GOLGA6L2: variants seen among roughly 807,000 people sequenced by gnomAD.
GOLGA6L2 encodes the protein golgin subfamily A member 6-like protein 2.
A neutral mutation model predicts 35.9 loss-of-function variants in GOLGA6L2; 30 were observed. The observed-to-expected ratio is 0.83, with a 90% confidence interval of 0.62 to 1.13. The LOEUF is 1.13. Ranked by LOEUF, GOLGA6L2 falls within the 50% of genes most tolerant of loss-of-function variation. GOLGA6L2 has a pLI of 0.00. For synonymous variants in GOLGA6L2, 297 were observed against 344.0 expected, an observed-to-expected ratio of 0.86 and a Z score of 1.51; for missense variants, 821 against 973.4, an observed-to-expected ratio of 0.84 and a Z score of 2.08.
rs2141080665 is a variant in GOLGA6L2 at position 23,441,645 on chromosome 15, T to C, written c.830A>G (p.Gln277Arg). Residue 277 changes from glutamine to arginine, a missense_variant, in exon 8 of 8, where the codon CAG becomes CGG. By Grantham distance (43) the Gln-to-Arg change is conservative. Around this residue, in one of 7 missense-constraint regions of GOLGA6L2, gnomAD observed 614 missense variants for 632.3 expected, o/e 0.97. Coordinates refer to ENST00000567107, the MANE Select transcript of GOLGA6L2 (RefSeq NM_001304388.2). ...TNTLQEEMWR[Q>R]EEELREQEKK... ...TTCCTGCTCCCGTAGCTCCTCCTCC[T>C]GCCTCCACATCTCCTCCTGCAAAGT... 6.5e-7 allele frequency: 1 copy of C among 1,540,136 alleles called. No homozygotes were observed. The highest frequency in any genetic ancestry group is 1.4e-5 in the African/African-American group (1 of 72,808).
chr15:23,439,842 TCTC>T lies in GOLGA6L2; in HGVS notation c.2630_2632del (p.Gly877del), dbSNP rs2070628291. 1.4e-6 allele frequency: 2 copies of T among 1,440,396 alleles called. No individual in the cohort carries two copies. The highest frequency in any genetic ancestry group is 2.4e-5 in the Admixed American group (1 of 41,288). 89.2% of individuals were successfully genotyped at this position (1,440,396 alleles called of 1,614,324 possible). A position where few individuals can be genotyped will look rare whatever the true frequency, so the allele number is the denominator to read the frequency against. Reference sequence around the variant, plus strand: ...ATCTTCTCTTTCTGATCTCGTATCCTCTCCTCCTTCTCTCGCATCTCCTCCTGC... The same window carrying T: ...ATCTTCTCTTTCTGATCTCGTATCCTCTCCTTCTCTCGCATCTCCTCCTGC... On this transcript the variant is annotated inframe_deletion, in exon 8 of 8. Transcript: ENST00000567107.
chr15:23,445,759 C>T (rs1292356496), intron 1 of GOLGA6L2, among the ~76,000 whole-genome samples: 3 of 152,186 alleles, frequency 2.0e-5, no homozygotes, highest in South Asian at 2.1e-4. Flanking sequence ...TAGAGTCGTA[C>T]ATCCTCACAC....
chr15:23,444,141 A>G, intron 4 of GOLGA6L2, 21 bp downstream of exon 4: 6 of 1,602,800 alleles, frequency 3.7e-6, no homozygotes, highest in Non-Finnish European at 5.1e-6. Flanking sequence ...GACAGGAGGG[A>G]ACTTCACACC....
chr15:23,444,387 G>A, intron 3 of GOLGA6L2, 84 bp downstream of exon 3: 1 of 1,515,876 alleles, frequency 6.6e-7, no homozygotes, highest in South Asian at 1.1e-5. Context: ...CCCCAAGCTG[G>A]GAGTAGGCGA....
chr15:23,441,954 A>T (rs1318577726), intron 7 of GOLGA6L2, 25 bp downstream of exon 7: 5 of 1,539,542 alleles, frequency 3.2e-6, no homozygotes, highest in Non-Finnish European at 4.3e-6. Context: ...GGTCTCCCAC[A>T]ACCCCTGGGG....
chr15:23,443,291 A>G (rs1209562284), intron 5 of GOLGA6L2, among the ~76,000 whole-genome samples: 2 of 152,136 alleles, frequency 1.3e-5, no homozygotes, highest in African/African-American at 2.4e-5. Flanking sequence ...GAGAAGGGAA[A>G]TATCTACCCC....
At chr15:23,444,626 C>A (rs1372859128) in intron 2 of GOLGA6L2, 126 bp from the exon 3 acceptor site, 4 of 785,444 alleles carry the variant, frequency 5.1e-6, no homozygotes, top group Non-Finnish European at 2.1e-6. Context: ...CCAATGGGAA[C>A]ATGAAGTGGT....
chr15:23,444,201 T>C lies in GOLGA6L2; in HGVS notation c.255A>G (p.Ala85=). Residue 85 remains alanine (A), a synonymous_variant, in exon 4 of 8, where the codon GCA becomes GCG. Coordinates refer to ENST00000567107, the MANE Select transcript of GOLGA6L2 (RefSeq NM_001304388.2). ...TTAGGGCTTCCTGATGTTGGTGGCT[T>C]GCCTTCTTTTCCTATAGAAAGAGGA... ...NRAQLKEEKK[A]SHQHQEALRR... The C allele has an allele frequency of 6.2e-7, 1 of 1,604,418 alleles. No individual in the cohort carries two copies. Among genetic ancestry groups the C allele is most frequent in the Non-Finnish European group, 8.5e-7 (1 of 1,178,872 alleles).
chr15:23,441,536 C>T lies in GOLGA6L2; in HGVS notation c.939G>A (p.Glu313=), dbSNP rs1256186532. The T allele has an allele frequency of 2.2e-5, 31 of 1,404,894 alleles. No individual in the cohort carries two copies. The highest frequency in any genetic ancestry group is 2.5e-5 in the Non-Finnish European group (27 of 1,060,900). The allele number at this position is 1,404,894 out of a possible 1,614,324, so 87.0% of individuals were successfully genotyped here. A position where few individuals can be genotyped will look rare whatever the true frequency, so the allele number is the denominator to read the frequency against. The part of the protein sequence containing the change: ...REQEGKMREQ[E]EKMRRQEKRL... ...TCTTCTCCTGTCTCCGCATCTTCTC[C>T]TCCTGCTCCCGCATCTTCCCCTCCT... The change falls in exon 8 of 8, where the codon GAG becomes GAA. Residue 313 remains glutamate, a synonymous_variant. Transcript: ENST00000567107.
rs1458906198 is a variant in GOLGA6L2 at position 23,446,083 on chromosome 15, GT to G, written c.85-646del. On this transcript the variant is annotated intron_variant, in intron 1 of 7. Transcript: ENST00000567107. ...AGGAAGATTCAAGTTGTCAAGTTCA[GT>G]TTCCCAAGATCTATTCCACAGAAGA... Among the ~76,000 whole-genome samples the G allele has an allele frequency of 3.9e-5, 6 of 152,314 alleles. No homozygotes were observed. The South Asian group carries it at 1.2e-3, about 32-fold the overall frequency.
At chr15:23,442,658 C>A in intron 5 of GOLGA6L2, 150 bp from the exon 6 acceptor site, 1 of 681,630 alleles carries the variant, frequency 1.5e-6, no homozygotes, top group Non-Finnish European at 2.4e-6. Context: ...AGCCCATGGT[C>A]TCATTTTTTT....
chr15:23,439,527 T>C lies in GOLGA6L2; in HGVS notation c.*218A>G. On this transcript the variant is annotated 3_prime_UTR_variant, in exon 8 of 8. Coordinates refer to ENST00000567107, the MANE Select transcript of GOLGA6L2 (RefSeq NM_001304388.2). ...GCGGCTTATGCTTCTGTAGGCCTTG[T>C]TGACAGTGCCAACTTTTAGATATTG... 6.7e-7 allele frequency: 1 copy of C among 1,487,016 alleles called. No homozygotes were observed. The highest frequency in any genetic ancestry group is 9.0e-7 in the Non-Finnish European group (1 of 1,105,456). 92.1% of individuals were successfully genotyped at this position (1,487,016 alleles called of 1,614,324 possible). A position where few individuals can be genotyped will look rare whatever the true frequency, so the allele number is the denominator to read the frequency against.
rs756271412 is a variant in GOLGA6L2 at position 23,441,993 on chromosome 15, A to C, written c.778T>G (p.Phe260Val). Reference sequence around the variant, plus strand: ...CAGCCGCTCACCTGTGGCAGCAGGAACTTGGCCCTCTCCAGTTTCCTTTTT... The same window carrying C: ...CAGCCGCTCACCTGTGGCAGCAGGACCTTGGCCCTCTCCAGTTTCCTTTTT... ...ELKRKLERAKFLLPQVQTNTL... is the reference protein window; with the variant it reads ...ELKRKLERAKVLLPQVQTNTL... The change falls in exon 7 of 8, where the codon TTC (phenylalanine) becomes GTC (valine). Residue 260 changes from phenylalanine (F) to valine (V), a missense_variant. Phe to Val is a conservative substitution (Grantham distance 50). Around this residue, in one of 7 missense-constraint regions of GOLGA6L2, gnomAD observed 614 missense variants for 632.3 expected, o/e 0.97. Transcript: ENST00000567107. The C allele has an allele frequency of 6.5e-7, 1 of 1,545,144 alleles. No homozygotes were observed. The highest frequency in any genetic ancestry group is 2.4e-5 in the East Asian group (1 of 42,022).
chr15:23,443,592 C>T (rs2141083289), intron 5 of GOLGA6L2, among the ~76,000 whole-genome samples, 185 bp downstream of exon 5: 1 of 152,292 alleles, frequency 6.6e-6, no homozygotes, highest in Non-Finnish European at 1.5e-5. Flanking sequence ...CACAGTGCCC[C>T]CCAACTCACC....
Position 23,439,471 on chromosome 15 carries a change from TG to T in GOLGA6L2, c.*273del. 2 of 769,868 alleles carry T rather than the reference TG, an allele frequency of 2.6e-6. No individual in the cohort carries two copies. The highest frequency in any genetic ancestry group is 1.9e-6 in the Non-Finnish European group (1 of 520,438). 47.7% of individuals were successfully genotyped at this position (769,868 alleles called of 1,614,324 possible). On this transcript the variant is annotated 3_prime_UTR_variant, in exon 8 of 8. Coordinates refer to ENST00000567107, the MANE Select transcript of GOLGA6L2 (RefSeq NM_001304388.2). ...TCTTTTTTTTTTTTTTTTTCAAGTT[TG>T]TGCTCAGACTATATTCACACAGTGA... is the stretch of plus-strand genomic sequence containing the variant.
chr15:23,440,411 A>G lies in GOLGA6L2; in HGVS notation c.2064T>C (p.Asp688=). Residue 688 remains aspartate, a synonymous_variant, in exon 8 of 8, where the codon GAT becomes GAC. Coordinates refer to ENST00000567107, the MANE Select transcript of GOLGA6L2 (RefSeq NM_001304388.2). The part of the protein sequence containing the change: ...GGEDVGAGGE[D]VGAGRRRCGS... ...CACATCTTCTTCTTCCTGCTCCCAC[A>G]TCTTCTCCTCCTGCTCCCACATCTT... 2 of 1,142,028 alleles carry G rather than the reference A, an allele frequency of 1.8e-6. No individual in the cohort carries two copies. Among genetic ancestry groups the G allele is most frequent in the Non-Finnish European group, 1.3e-6 (1 of 784,768 alleles). The allele number at this position is 1,142,028 out of a possible 1,614,324, so 70.7% of individuals were successfully genotyped here. A position where few individuals can be genotyped will look rare whatever the true frequency, so the allele number is the denominator to read the frequency against.
rs1304338099 is a variant in GOLGA6L2 at position 23,447,057 on chromosome 15, G to A, written c.84+41C>T. The A allele has an allele frequency of 3.0e-6, 3 of 1,004,046 alleles. No individual in the cohort carries two copies. In the South Asian group the frequency reaches 4.1e-5, roughly 14 times the overall value. The allele number at this position is 1,004,046 out of a possible 1,614,324, so 62.2% of individuals were successfully genotyped here. ...GTTCTGCCATGGGAGGGGGCCTGGG[G>A]CTGGGTTGGGGTTGGGGTGCCGCAA... On this transcript the variant is annotated intron_variant, in intron 1 of 7. Transcript: ENST00000567107.
rs1252867789 is a variant in GOLGA6L2 at position 23,440,794 on chromosome 15, CT to C, written c.1680del (p.Ala561GlnfsTer417). 1.3e-6 allele frequency: 2 copies of C among 1,530,112 alleles called. No individual in the cohort carries two copies. The highest frequency in any genetic ancestry group is 1.8e-6 in the Non-Finnish European group (2 of 1,136,022). The allele number at this position is 1,530,112 out of a possible 1,614,324, so 94.8% of individuals were successfully genotyped here. On this transcript the variant is annotated frameshift_variant, in exon 8 of 8. Coordinates refer to ENST00000567107, the MANE Select transcript of GOLGA6L2 (RefSeq NM_001304388.2). LOFTEE classifies it low-confidence loss of function (END_TRUNC). ...CCTGATCCCGCATCTTCTCCTCCTG[CT>C]CCCACATCTGCTTCTCCTGCTCCTG... ...EAAGAGEADV[G>X]AGGEDAGSGA...
At chr15:23,447,071 G>A in intron 1 of GOLGA6L2, 27 bp downstream of exon 1, 1 of 1,257,832 alleles carries the variant, frequency 8.0e-7, no homozygotes, top group Non-Finnish European at 1.1e-6. Flanking sequence ...GGTTGGGGTT[G>A]GGGTGCCGCA....
Sources: allele counts gnomAD v4.1 joint callset (sites outside exome capture counted in the v4.1 genomes callset), GRCh38; gene constraint gnomAD v4.1.1; regional missense constraint gnomAD v4.1.1; transcripts MANE v1.5; gene names NCBI Gene and HGNC (gene_info 2026-07-23, HGNC 2026-07-21).